IQCM: variants seen among roughly 807,000 people sequenced by gnomAD.
IQCM encodes the protein IQ motif containing M, also known as IQ domain-containing protein M.
Under a neutral mutation model 57.6 loss-of-function variants are expected in IQCM, and 45 were observed. The ratio of observed to expected loss-of-function variants is 0.78; its 90% confidence interval spans 0.62 to 1.00. The LOEUF is 1.00. Among genes scored for constraint, IQCM ranks in the 50% least tolerant of loss-of-function variants. The pLI is 0.00. For missense variants in IQCM, 468 were observed against 511.6 expected (o/e 0.91, Z 0.82); for synonymous variants, 148 against 158.9 (o/e 0.93, Z 0.51).
intron 7 of IQCM, among the ~76,000 whole-genome samples, chr4:149,657,212 CT>C (rs1759715005): frequency 1.3e-5 from 2 of 152,120 alleles, no homozygotes; most frequent in African/African-American, 4.8e-5. Context: ...CTACTATCTG[CT>C]TCTGTGATAT....
intron 12 of IQCM, among the ~76,000 whole-genome samples, chr4:149,491,605 G>T (rs1394659981): frequency 6.6e-6 from 1 of 151,976 alleles, no homozygotes; most frequent in Non-Finnish European, 1.5e-5. Context: ...CTTCTTAAAG[G>T]TGAAATAGTA....
chr4:149,596,184 C>A lies in IQCM; in HGVS notation c.682-8187G>T, dbSNP rs564341895. Reference sequence around the variant, plus strand: ...GAGCTTTGCATCCCAATATAAGCCCCTGTAAAGGTTGGAATCTATTTGAAA... The same window carrying A: ...GAGCTTTGCATCCCAATATAAGCCCATGTAAAGGTTGGAATCTATTTGAAA... On this transcript the variant is annotated intron_variant, in intron 8 of 13. Transcript: ENST00000636793. Among the ~76,000 whole-genome samples, 7 of 152,186 alleles carry A rather than the reference C, an allele frequency of 4.6e-5. No individual in the cohort carries two copies. The South Asian group carries it at 1.5e-3, about 32-fold the overall frequency.
chr4:149,395,797 G>A (rs1373960537), intron 13 of IQCM, among the ~76,000 whole-genome samples: 1 of 151,978 alleles, frequency 6.6e-6, no homozygotes, highest in Non-Finnish European at 1.5e-5. Context: ...ATTCCCAGAA[G>A]GGAAAATGAC....
intron 12 of IQCM, among the ~76,000 whole-genome samples, chr4:149,529,237 T>A (rs1746491461): frequency 6.6e-6 from 1 of 152,142 alleles, no homozygotes; most frequent in Non-Finnish European, 1.5e-5. Context: ...CTAATTTTTG[T>A]ATTTTTAGTA....
chr4:149,654,130 G>A (rs1245514869), intron 7 of IQCM, among the ~76,000 whole-genome samples: 2 of 152,156 alleles, frequency 1.3e-5, no homozygotes, highest in East Asian at 3.9e-4. Flanking sequence ...AGATAATTTA[G>A]TAACAAAGGC....
At chr4:149,673,980 T>C (rs1761534969) in intron 7 of IQCM, among the ~76,000 whole-genome samples, 1 of 152,152 alleles carries the variant, frequency 6.6e-6, no homozygotes, top group African/African-American at 2.4e-5. Context: ...TTCTTTTATT[T>C]TCTGAATTTA....
At chr4:149,470,507 C>A (rs554108264) in intron 12 of IQCM, among the ~76,000 whole-genome samples, 1 of 152,080 alleles carries the variant, frequency 6.6e-6, no homozygotes, top group Non-Finnish European at 1.5e-5. Context: ...GACTTAGACT[C>A]CCACACAATA....
chr4:149,674,819 C>T (rs774894419), intron 7 of IQCM, among the ~76,000 whole-genome samples: 10 of 152,050 alleles, frequency 6.6e-5, no homozygotes, highest in African/African-American at 9.7e-5. Flanking sequence ...ATTAACGGTA[C>T]TTAAAGCCAT....
At chr4:149,700,248 C>CA (rs1763665870) in intron 5 of IQCM, among the ~76,000 whole-genome samples, 6 of 152,002 alleles carry the variant, frequency 3.9e-5, no homozygotes, top group African/African-American at 1.2e-4. Flanking sequence ...CACAGATAGC[C>CA]CACATGGAGC....
At chr4:149,629,131 T>C (rs1757047221) in intron 7 of IQCM, among the ~76,000 whole-genome samples, 1 of 152,192 alleles carries the variant, frequency 6.6e-6, no homozygotes, top group Non-Finnish European at 1.5e-5. Context: ...TAGGATCAGG[T>C]GTAGTTACAT....
At chr4:149,553,941 T>C (rs1222801467) in intron 10 of IQCM, among the ~76,000 whole-genome samples, 1 of 152,184 alleles carries the variant, frequency 6.6e-6, no homozygotes. Flanking sequence ...GTTTTCTCTT[T>C]TCTAAAGAGC....
intron 9 of IQCM, among the ~76,000 whole-genome samples, chr4:149,573,937 T>G (rs955524917): frequency 6.6e-6 from 1 of 151,944 alleles, no homozygotes; most frequent in African/African-American, 2.4e-5. Flanking sequence ...AACAGAAACG[T>G]TGGTATTGAC....
intron 2 of IQCM, among the ~76,000 whole-genome samples, chr4:149,751,055 A>G (rs1768392094): frequency 6.6e-6 from 1 of 152,208 alleles, no homozygotes; most frequent in Non-Finnish European, 1.5e-5. Context: ...TTTATATGTA[A>G]GGGATAGTTT....
chr4:149,437,280 C>T (rs1309949491), intron 12 of IQCM, among the ~76,000 whole-genome samples: 1 of 152,106 alleles, frequency 6.6e-6, no homozygotes, highest in African/African-American at 2.4e-5. Context: ...AAAGTGTACT[C>T]TGCTGGTCAG....
chr4:149,408,657 A>C (rs759237948), intron 13 of IQCM, among the ~76,000 whole-genome samples: 2 of 152,198 alleles, frequency 1.3e-5, no homozygotes, highest in Non-Finnish European at 2.9e-5. Context: ...TATTATCCTC[A>C]GTATGTTTGT....
At chr4:149,812,480 T>TCACACA (rs1412777680) in intron 2 of IQCM, among the ~76,000 whole-genome samples, 3 of 138,806 alleles carry the variant, frequency 2.2e-5, no homozygotes, top group Admixed American at 7.1e-5. Context: ...TCTCTCTCTC[T>TCACACA]CACACACACA....
chr4:149,481,594 CT>C (rs1560895546), intron 12 of IQCM, among the ~76,000 whole-genome samples: 1 of 148,964 alleles, frequency 6.7e-6, no homozygotes, highest in Admixed American at 6.8e-5. Context: ...GTTTTCAATT[CT>C]GTTCCATTGG....
intron 8 of IQCM, among the ~76,000 whole-genome samples, chr4:149,618,341 A>G (rs1443035846): frequency 6.6e-6 from 1 of 152,192 alleles, no homozygotes; most frequent in Non-Finnish European, 1.5e-5. Context: ...CACTATGCAC[A>G]AAAGTTAACT....
intron 5 of IQCM, among the ~76,000 whole-genome samples, chr4:149,706,377 A>G (rs1341815658): frequency 1.3e-5 from 2 of 151,974 alleles, no homozygotes; most frequent in African/African-American, 2.4e-5. Flanking sequence ...AGAGGCAGAC[A>G]TGGATTTGGG....
Sources: allele counts gnomAD v4.1 joint callset (sites outside exome capture counted in the v4.1 genomes callset), GRCh38; gene constraint gnomAD v4.1.1; transcripts MANE v1.5; gene names NCBI Gene and HGNC (gene_info 2026-07-23, HGNC 2026-07-21).